SPIB: variants seen among roughly 807,000 people sequenced by gnomAD.
SPIB encodes the protein Spi-B transcription factor.
A neutral mutation model predicts 31.9 loss-of-function variants in SPIB; 7 were observed. The ratio of observed to expected loss-of-function variants is 0.22; its 90% CI spans 0.12 to 0.41. The LOEUF (loss-of-function observed/expected upper bound fraction) is 0.41, where lower values mean the gene tolerates loss of function less well. SPIB is among the 10% of genes least tolerant of loss of function. The pLI is 1.00. For missense variants in SPIB, 327 were observed against 360.2 expected (o/e 0.91, Z 0.75); for synonymous variants, 176 against 158.9 (o/e 1.11, Z -0.81).
intron 2 of SPIB, among the ~76,000 whole-genome samples, chr19:50,420,941 C>A (rs2039486908): frequency 6.6e-6 from 1 of 152,114 alleles, no homozygotes; most frequent in South Asian, 2.1e-4. Flanking sequence ...TGCTTTTGAA[C>A]TTTATGTAAA....
rs569382705 is a variant in SPIB, at chr19:50,426,277, T to C, written c.491-1761T>C. Among the ~76,000 whole-genome samples, 11 of 152,188 alleles carry C rather than the reference T, an allele frequency of 7.2e-5. No homozygotes were observed. In the South Asian group the frequency reaches 2.3e-3, roughly 32 times the overall value. The stretch of plus-strand genomic sequence containing the variant: ...AGGATCAAGTTCCAGGAGGTCACGC[T>C]GTGCCTGAGAGGGGGTCACTGAGGC... On this transcript the variant is annotated intron_variant, in intron 5 of 5. Transcript: ENST00000595883.
chr19:50,427,443 C>G (rs1425878827), intron 5 of SPIB, among the ~76,000 whole-genome samples: 2 of 152,072 alleles, frequency 1.3e-5, no homozygotes, highest in South Asian at 2.1e-4. Context: ...CAGAATTGCT[C>G]GAACCCAGGA....
chr19:50,423,172 T>C (rs1224633770), intron 4 of SPIB, 135 bp downstream of exon 4: 4 of 418,008 alleles, frequency 9.6e-6, no homozygotes, highest in Non-Finnish European at 8.3e-6. Context: ...TCCACTGCAC[T>C]CCAGTCTGGG....
intron 2 of SPIB, among the ~76,000 whole-genome samples, chr19:50,421,772 G>A (rs946400341): frequency 6.6e-6 from 1 of 152,132 alleles, no homozygotes; most frequent in African/African-American, 2.4e-5. Flanking sequence ...CTGCCACCAG[G>A]CCCAGCTAAT....
chr19:50,419,038 CTG>C, intron 1 of SPIB, 53 bp downstream of exon 1: 1 of 1,545,912 alleles, frequency 6.5e-7, no homozygotes, highest in Non-Finnish European at 8.7e-7. Flanking sequence ...CACTGCCCCT[CTG>C]TGGGGCCTCA....
intron 2 of SPIB, among the ~76,000 whole-genome samples, chr19:50,421,224 G>C (rs1296945539): frequency 6.6e-6 from 1 of 152,154 alleles, no homozygotes; most frequent in East Asian, 1.9e-4. Context: ...AGACTGCCAG[G>C]TCCTAGGCAT....
At chr19:50,423,072 A>C in intron 4 of SPIB, 35 bp downstream of exon 4, 5 of 1,063,658 alleles carry the variant, frequency 4.7e-6, no homozygotes, top group South Asian at 1.6e-5. Flanking sequence ...ATCAAGCCCA[A>C]ACCAGGTGTG....
At chr19:50,425,641 A>G (rs1375209666) in intron 5 of SPIB, among the ~76,000 whole-genome samples, 1 of 151,978 alleles carries the variant, frequency 6.6e-6, no homozygotes, top group Admixed American at 6.6e-5. Context: ...AGGTCTCGCT[A>G]TGTTGCCCAG....
chr19:50,430,273 C>G lies in SPIB; in HGVS notation c.*1937C>G, dbSNP rs915378560. On this transcript the variant is annotated 3_prime_UTR_variant, in exon 6 of 6. Transcript: ENST00000595883. ...TGTATAAACCCAGCTGGAACTGAAG[C>G]CTGGGTGGACTATGGAGCCCTGGTT... The G allele has an allele frequency of 2.6e-5, 4 of 152,176 alleles. No individual in the cohort carries two copies. In the East Asian group the frequency reaches 7.7e-4, roughly 29 times the overall value. The allele number at this position is 152,176 out of a possible 1,614,324, so 9.4% of individuals were successfully genotyped here.
chr19:50,420,013 C>T, intron 2 of SPIB, 40 bp downstream of exon 2: 1 of 1,426,182 alleles, frequency 7.0e-7, no homozygotes, highest in East Asian at 2.8e-5. Flanking sequence ...GGGTGGCCCA[C>T]AGTGACCTCC....
At chr19:50,422,679 C>A in intron 3 of SPIB, 134 bp downstream of exon 3, 1 of 1,093,174 alleles carries the variant, frequency 9.1e-7, no homozygotes, top group Non-Finnish European at 1.3e-6. Context: ...CCTCCCCTTT[C>A]CTCTCCTACC....
In SPIB at chr19:50,428,312, G is replaced by A; in HGVS notation, c.765G>A (p.Leu255=). The A allele has an allele frequency of 6.5e-7, 1 of 1,549,004 alleles. No individual in the cohort carries two copies. ...TCACCTACCAGTTCGACAGCGCGCTGCTGCCTGCAGTCCGCCGGGCCTGAG... is the reference window on the plus strand; with the variant it reads ...TCACCTACCAGTTCGACAGCGCGCTACTGCCTGCAGTCCGCCGGGCCTGAG... ...RKLTYQFDSA[L]LPAVRRA The change falls in exon 6 of 6, where the codon CTG becomes CTA. Residue 255 remains leucine, a synonymous_variant. Coordinates refer to ENST00000595883, the MANE Select transcript of SPIB (RefSeq NM_003121.5). This position sits in a 1 kb window ranked among gnomAD's most constrained non-coding sequence, Gnocchi z 6.5.
intron 2 of SPIB, 129 bp downstream of exon 2, chr19:50,420,102 GT>G (rs1260468845): frequency 1.3e-6 from 1 of 764,174 alleles, no homozygotes; most frequent in African/African-American, 1.8e-5. Context: ...CTCCCCCTTG[GT>G]ATCTCCTGCT....
intron 3 of SPIB, 89 bp from the exon 4 acceptor site, chr19:50,422,734 C>A: frequency 9.2e-7 from 1 of 1,084,380 alleles, no homozygotes; most frequent in Non-Finnish European, 1.4e-6. Context: ...ATTTGCACAG[C>A]CTACAATGGC....
At chr19:50,422,620 G>A in intron 3 of SPIB, 75 bp downstream of exon 3, 1 of 1,514,982 alleles carries the variant, frequency 6.6e-7, no homozygotes, top group Non-Finnish European at 9.1e-7. Context: ...GCCCAGGGGA[G>A]GTCATTTCCT....
At chr19:50,423,781 G>T (rs1046232091) in intron 5 of SPIB, 26 bp downstream of exon 5, 2 of 1,581,972 alleles carry the variant, frequency 1.3e-6, no homozygotes, top group African/African-American at 2.7e-5. Flanking sequence ...TGGGGTGGGG[G>T]AGATGCCAGC....
In SPIB at chr19:50,428,420, C is replaced by A; in HGVS notation, c.*84C>A. Reference sequence around the variant, plus strand: ...CCCCCTGGAAGAAAAAGGGCGTCCCCACACTCTAGGTGATAGGACTTACGC... The same window carrying A: ...CCCCCTGGAAGAAAAAGGGCGTCCCAACACTCTAGGTGATAGGACTTACGC... On this transcript the variant is annotated 3_prime_UTR_variant, in exon 6 of 6. Transcript: ENST00000595883. This position sits in a 1 kb window ranked among gnomAD's most constrained non-coding sequence, Gnocchi z 6.5. 1 of 1,401,352 alleles carries A rather than the reference C, an allele frequency of 7.1e-7. No homozygotes were observed. The highest frequency in any genetic ancestry group is 9.5e-7 in the Non-Finnish European group (1 of 1,056,218). The allele number at this position is 1,401,352 out of a possible 1,614,324, so 86.8% of individuals were successfully genotyped here.
At chr19:50,426,596 T>C (rs764060770) in intron 5 of SPIB, among the ~76,000 whole-genome samples, 1 of 152,038 alleles carries the variant, frequency 6.6e-6, no homozygotes, top group African/African-American at 2.4e-5. Context: ...TGGGCTAAAG[T>C]GATTCTCCTG....
Position 50,430,923 on chromosome 19 carries a change from G to C in SPIB, c.*2587G>C, listed in dbSNP as rs2039633857. 1 of 152,288 alleles carries C rather than the reference G, an allele frequency of 6.6e-6. No homozygotes were observed. The highest frequency in any genetic ancestry group is 6.5e-5 in the Admixed American group (1 of 15,280). The allele number at this position is 152,288 out of a possible 1,614,324, so 9.4% of individuals were successfully genotyped here. ...GACCTGCCCTTAAGAGAATGAGTGG[G>C]AAGGGGGAGGGAGGAAGGGCAGGTA... On this transcript the variant is annotated 3_prime_UTR_variant, in exon 6 of 6. Coordinates refer to ENST00000595883, the MANE Select transcript of SPIB (RefSeq NM_003121.5).
Sources: allele counts gnomAD v4.1 joint callset (sites outside exome capture counted in the v4.1 genomes callset), GRCh38; gene constraint gnomAD v4.1.1; non-coding constraint Gnocchi (gnomAD v3.1); transcripts MANE v1.5; gene names NCBI Gene and HGNC (gene_info 2026-07-23, HGNC 2026-07-21).